DIAPH1: variants seen among roughly 807,000 people sequenced by gnomAD.
The protein encoded by DIAPH1 is protein diaphanous homolog 1.
Under a neutral mutation model 140.7 loss-of-function variants are expected in DIAPH1, and 46 were observed. That is an observed-to-expected ratio of 0.33 (90% CI 0.26 to 0.42). The LOEUF is 0.42. DIAPH1 is among the 10% of genes least tolerant of loss of function. The pLI is 1.00. For missense variants in DIAPH1, 1,310 were observed against 1,558.7 expected (o/e 0.84, Z 2.69); for synonymous variants, 565 against 551.6 (o/e 1.02, Z -0.34).
Position 141,576,825 on chromosome 5 carries a change from G to C in DIAPH1, c.1327C>G (p.Leu443Val). Residue 443 changes from leucine (L) to valine (V), a missense_variant, in exon 13 of 28, where the codon CTG becomes GTG. Transcript: ENST00000389054. ...LIEECISQIVLHKNGADPDFK... is the reference protein window; with the variant it reads ...LIEECISQIVVHKNGADPDFK... ...TCAGGATCAGCCCCGTTCTTGTGCA[G>C]AACTATCTGGGAAATACATTCTTCA... The C allele has an allele frequency of 3.1e-6, 5 of 1,613,918 alleles. No homozygotes were observed. Among genetic ancestry groups the C allele is most frequent in the Non-Finnish European group, 2.5e-6 (3 of 1,179,806 alleles).
chr5:141,577,792 A>G (rs948502572), intron 11 of DIAPH1, among the ~76,000 whole-genome samples: 5 of 152,218 alleles, frequency 3.3e-5, no homozygotes. Flanking sequence ...GTGGTACTAT[A>G]CACACAGAGG....
At position 141,578,234 on chromosome 5, in the gene DIAPH1, A is replaced by G; in HGVS notation, c.1154T>C (p.Met385Thr). The G allele has an allele frequency of 6.2e-7, 1 of 1,612,860 alleles. No homozygotes were observed. The highest frequency in any genetic ancestry group is 8.5e-7 in the Non-Finnish European group (1 of 1,178,826). Residue 385 changes from methionine (M) to threonine (T), a missense_variant, in exon 11 of 28, where the codon ATG (methionine) becomes ACG (threonine). Transcript: ENST00000389054. ...GTCAGCAAAAGGATATTCCATCTCC[A>G]TGCGAATGTCATCCAGCCGTCCCTT... ...DLKGRLDDIR[M>T]EMDDFNEVFQ... is the part of the protein sequence containing the mutation.
chr5:141,591,251 A>G (rs980267600), intron 1 of DIAPH1, among the ~76,000 whole-genome samples: 2 of 152,034 alleles, frequency 1.3e-5, no homozygotes, highest in African/African-American at 2.4e-5. Flanking sequence ...CTCTAAATGG[A>G]TATGTACCTT....
At chr5:141,579,862 C>T (rs546142241) in intron 8 of DIAPH1, among the ~76,000 whole-genome samples, 2 of 151,490 alleles carry the variant, frequency 1.3e-5, no homozygotes, top group African/African-American at 2.4e-5. Flanking sequence ...GAAGGAGAAT[C>T]GCTTGAACCT....
intron 18 of DIAPH1, chr5:141,563,111 TACTCTGCCCTAATC>T (rs759360995): frequency 5.9e-5 from 9 of 152,276 alleles, no homozygotes; most frequent in Non-Finnish European, 1.3e-4. Context: ...TCCAGCACAA[TACTCTGCCCTAATC>T]ACTCTGCCCT....
At chr5:141,572,077 T>C (rs1279572545) in intron 16 of DIAPH1, 37 bp from the exon 17 acceptor site, 2 of 1,442,232 alleles carry the variant, frequency 1.4e-6, no homozygotes, top group South Asian at 1.1e-5. Context: ...ATTAGTAAAC[T>C]GAGCCCTGTA....
intron 27 of DIAPH1, among the ~76,000 whole-genome samples, chr5:141,523,125 A>G (rs2099886815): frequency 6.6e-6 from 1 of 152,232 alleles, no homozygotes; most frequent in Non-Finnish European, 1.5e-5. Flanking sequence ...CACTGGCCAA[A>G]GCAAGCTGTG....
chr5:141,608,044 A>T (rs975855654), intron 1 of DIAPH1, among the ~76,000 whole-genome samples: 3 of 152,266 alleles, frequency 2.0e-5, no homozygotes, highest in Non-Finnish European at 4.4e-5. Flanking sequence ...GCAGCTACAT[A>T]TGGAAAGAAT....
chr5:141,534,764 T>C (rs2099888758), intron 18 of DIAPH1, among the ~76,000 whole-genome samples: 1 of 152,212 alleles, frequency 6.6e-6, no homozygotes, highest in South Asian at 2.1e-4. Context: ...GTCTCAATTA[T>C]TCAACTCTGC....
In DIAPH1 at chr5:141,575,823, A is replaced by G. The variant is rs1465510924; in HGVS notation, c.1461+407T>C. Among the ~76,000 whole-genome samples the G allele has an allele frequency of 5.3e-5, 8 of 152,338 alleles. No individual in the cohort carries two copies. In the East Asian group the frequency reaches 9.6e-4, roughly 18 times the overall value. On this transcript the variant is annotated intron_variant, in intron 14 of 27. Transcript: ENST00000389054. ...CAATATTCTCTAGGATCAAAAACCT[A>G]TTAACCACAATAAACGTTCTTAAAA...
chr5:141,533,891 C>T (rs1411974044), intron 19 of DIAPH1, among the ~76,000 whole-genome samples: 1 of 151,982 alleles, frequency 6.6e-6, no homozygotes, highest in Non-Finnish European at 1.5e-5. Flanking sequence ...ATTAGCTGAG[C>T]ATGGTGGTGC....
chr5:141,527,423 TA>T, intron 24 of DIAPH1, 149 bp downstream of exon 24: 1 of 861,010 alleles, frequency 1.2e-6, no homozygotes, highest in Non-Finnish European at 1.7e-6. Flanking sequence ...CTCAAAATAC[TA>T]ACAAACCCAA....
At chr5:141,588,473 GAAA>G (rs368869644) in intron 1 of DIAPH1, among the ~76,000 whole-genome samples, 1 of 86,628 alleles carries the variant, frequency 1.2e-5, no homozygotes, top group Admixed American at 1.2e-4. Flanking sequence ...TCTTAAAAAG[GAAA>G]AAAAAAAAAA....
At chr5:141,584,250 A>G (rs1290335111) in intron 3 of DIAPH1, 25 bp from the exon 4 acceptor site, 1 of 1,414,494 alleles carries the variant, frequency 7.1e-7, no homozygotes, top group Non-Finnish European at 1.0e-6. Flanking sequence ...AAAAAGAGAA[A>G]AAACAAAATT....
At chr5:141,589,464 A>T (rs2099898037) in intron 1 of DIAPH1, among the ~76,000 whole-genome samples, 1 of 152,266 alleles carries the variant, frequency 6.6e-6, no homozygotes, top group African/African-American at 2.4e-5. Context: ...GTATATTGGT[A>T]CAAGGAAAGC....
intron 20 of DIAPH1, 102 bp downstream of exon 20, chr5:141,529,501 G>A: frequency 9.2e-6 from 10 of 1,081,832 alleles, no homozygotes; most frequent in Non-Finnish European, 1.0e-5. Flanking sequence ...GCATTCATAA[G>A]TCAGCAATGC....
intron 18 of DIAPH1, among the ~76,000 whole-genome samples, chr5:141,562,475 T>C (rs73280396): frequency 1.1e-3 from 166 of 152,056 alleles, no homozygotes; most frequent in African/African-American, 3.8e-3. Context: ...TAAGAAAGTC[T>C]AAAGGATAAT....
intron 8 of DIAPH1, among the ~76,000 whole-genome samples, chr5:141,579,698 C>G (rs368974467): frequency 1.6e-4 from 24 of 152,238 alleles, no homozygotes; most frequent in African/African-American, 5.3e-4. Flanking sequence ...GCTTGTAATC[C>G]TAGCACTTTG....
intron 26 of DIAPH1, 69 bp from the exon 27 acceptor site, chr5:141,524,298 C>T (rs2099886970): frequency 2.1e-6 from 3 of 1,444,802 alleles, no homozygotes; most frequent in Admixed American, 3.4e-5. Context: ...TCAAGCCCCA[C>T]ACAAAATGAA....
Sources: allele counts gnomAD v4.1 joint callset (sites outside exome capture counted in the v4.1 genomes callset), GRCh38; gene constraint gnomAD v4.1.1; transcripts MANE v1.5; gene names NCBI Gene and HGNC (gene_info 2026-07-23, HGNC 2026-07-21).